Variants in SLC24A2 observed in about 807,000 individuals in gnomAD.
SLC24A2 encodes the protein solute carrier family 24 member 2.
SLC24A2 carries 36 observed loss-of-function variants against 62.0 expected under a neutral mutation model. The observed-to-expected ratio is 0.58, with a 90% confidence interval of 0.44 to 0.77. The LOEUF (loss-of-function observed/expected upper bound fraction) is 0.77. Ranked by LOEUF, SLC24A2 falls within the 30% of genes least tolerant of loss-of-function variation. SLC24A2 has a pLI of 0.00. For synonymous variants in SLC24A2, 358 were observed against 294.0 expected, an observed-to-expected ratio of 1.22 and a Z score of -2.23; for missense variants, 846 against 817.9, an observed-to-expected ratio of 1.03 and a Z score of -0.42.
At chr9:19,906,808 A>G in the SLC24A2 span, among the ~76,000 whole-genome samples, 1 of 152,208 alleles carries the variant, frequency 6.6e-6, no homozygotes, top group Non-Finnish European at 1.5e-5. Context: ...GACCAATAAC[A>G]GGCTCTGAAA....
At chr9:20,227,534 CT>C in the SLC24A2 span, among the ~76,000 whole-genome samples, 1 of 93,090 alleles carries the variant, frequency 1.1e-5, no homozygotes, top group East Asian at 5.3e-4. Context: ...TCACACATTT[CT>C]AAAAAAAAAA....
At chr9:19,820,872 T>C in the SLC24A2 span, among the ~76,000 whole-genome samples, 1 of 152,272 alleles carries the variant, frequency 6.6e-6, no homozygotes, top group Non-Finnish European at 1.5e-5. Flanking sequence ...AGAGCTTAGT[T>C]GTAGCATTTA....
the SLC24A2 span, among the ~76,000 whole-genome samples, chr9:19,873,538 C>CTTTCTTTCTTTCTTTCTTTATTTCTTTA: frequency 7.4e-6 from 1 of 135,726 alleles, no homozygotes; most frequent in South Asian, 2.3e-4. Context: ...CTTTCTTTCT[C>CTTTCTTTCTTTCTTTCTTTATTTCTTTA]TTTCTTTCTT....
chr9:20,278,619 T>C, the SLC24A2 span, among the ~76,000 whole-genome samples: 2 of 152,212 alleles, frequency 1.3e-5, no homozygotes, highest in African/African-American at 4.8e-5. Flanking sequence ...CATATCACTA[T>C]CAGCATTTTG....
At chr9:19,634,584 G>A (rs866362484) in intron 2 of SLC24A2, among the ~76,000 whole-genome samples, 5 of 152,028 alleles carry the variant, frequency 3.3e-5, no homozygotes, top group African/African-American at 4.8e-5. Flanking sequence ...CACTGCGCCC[G>A]GCCAAAACCA....
At chr9:19,590,054 G>A (rs1836503398) in intron 5 of SLC24A2, among the ~76,000 whole-genome samples, 1 of 152,106 alleles carries the variant, frequency 6.6e-6, no homozygotes, top group Non-Finnish European at 1.5e-5. Context: ...GTGCTTTCCT[G>A]ACCAGCTAGA....
At chr9:19,834,735 A>G in the SLC24A2 span, among the ~76,000 whole-genome samples, 5 of 152,138 alleles carry the variant, frequency 3.3e-5, no homozygotes, top group African/African-American at 1.2e-4. Context: ...CGCCACAAAG[A>G]TACTCCTCGA....
the SLC24A2 span, among the ~76,000 whole-genome samples, chr9:19,904,094 G>C: frequency 2.8e-4 from 42 of 152,262 alleles, no homozygotes; most frequent in Admixed American, 1.4e-3. Context: ...GCAAAGACCT[G>C]CCAGGACCTG....
chr9:20,057,558 T>G, the SLC24A2 span, among the ~76,000 whole-genome samples: 11 of 152,328 alleles, frequency 7.2e-5, no homozygotes, highest in Admixed American at 6.5e-4. Flanking sequence ...ATGTTCACAT[T>G]TGTCCCATCA....
At chr9:20,130,073 A>T in the SLC24A2 span, among the ~76,000 whole-genome samples, 1 of 152,030 alleles carries the variant, frequency 6.6e-6, no homozygotes, top group Non-Finnish European at 1.5e-5. Flanking sequence ...TTAATCCTCA[A>T]CCACACACCT....
the SLC24A2 span, among the ~76,000 whole-genome samples, chr9:19,811,013 G>A: frequency 1.3e-5 from 2 of 152,058 alleles, no homozygotes; most frequent in Non-Finnish European, 2.9e-5. Flanking sequence ...AATCTGCTAT[G>A]TATCTTTCAA....
At chr9:19,772,269 G>A (rs1026938116) in intron 2 of SLC24A2, among the ~76,000 whole-genome samples, 1 of 152,062 alleles carries the variant, frequency 6.6e-6, no homozygotes, top group African/African-American at 2.4e-5. Context: ...TAGCTTCAGG[G>A]GAACAATCTT....
the SLC24A2 span, among the ~76,000 whole-genome samples, chr9:20,171,298 A>T: frequency 4.9e-5 from 6 of 123,184 alleles, no homozygotes; most frequent in African/African-American, 1.7e-4. Context: ...CCTATAAAAA[A>T]TACAATAAAA....
the SLC24A2 span, among the ~76,000 whole-genome samples, chr9:19,909,104 T>C: frequency 6.6e-6 from 1 of 152,152 alleles, no homozygotes; most frequent in African/African-American, 2.4e-5. Flanking sequence ...AACGATAGAC[T>C]GGATTAAGAA....
chr9:20,198,439 C>G, the SLC24A2 span, among the ~76,000 whole-genome samples: 1 of 152,304 alleles, frequency 6.6e-6, no homozygotes, highest in East Asian at 1.9e-4. Context: ...CACTGCCTCA[C>G]ACAGACTGTA....
the SLC24A2 span, chr9:19,957,940 T>G: frequency 6.5e-6 from 1 of 153,312 alleles, no homozygotes; most frequent in Non-Finnish European, 1.5e-5. Flanking sequence ...AAATACTGAA[T>G]GCTGTCCTGT....
intron 2 of SLC24A2, among the ~76,000 whole-genome samples, chr9:19,642,390 G>T (rs925597599): frequency 6.6e-6 from 1 of 152,150 alleles, no homozygotes. Flanking sequence ...GAGCAGACAG[G>T]GTTGGTGACA....
At chr9:20,014,783 G>C in the SLC24A2 span, among the ~76,000 whole-genome samples, 97 of 152,220 alleles carry the variant, frequency 6.4e-4, 1 homozygote, top group African/African-American at 2.2e-3. Flanking sequence ...CAAAGTTTCA[G>C]ATAGACAGAA....
At chr9:20,241,718 C>T in the SLC24A2 span, among the ~76,000 whole-genome samples, 1 of 152,080 alleles carries the variant, frequency 6.6e-6, no homozygotes, top group South Asian at 2.1e-4. Flanking sequence ...GGACCATAAG[C>T]GAGTAATCCC....
Sources: allele counts gnomAD v4.1 joint callset (sites outside exome capture counted in the v4.1 genomes callset), GRCh38; gene constraint gnomAD v4.1.1; transcripts MANE v1.5; gene names NCBI Gene and HGNC (gene_info 2026-07-23, HGNC 2026-07-21).